The following CHD9 variants were observed in gnomAD, a reference collection of about 807,000 sequenced individuals.
The protein encoded by CHD9 is chromodomain helicase DNA binding protein 9, also known as ATP-dependent chromatin remodeler CHD9.
Under a neutral mutation model 316.1 loss-of-function variants are expected in CHD9, and 77 were observed. The observed-to-expected ratio is 0.24, with a 90% CI of 0.20 to 0.29. The LOEUF is 0.29. CHD9 is among the 10% of genes least tolerant of loss of function. The pLI is 1.00. For missense variants in CHD9, 2,763 were observed against 3,438.1 expected, an observed-to-expected ratio of 0.80 and a Z score of 4.91; for synonymous variants, 1,129 against 1,158.3, an observed-to-expected ratio of 0.97 and a Z score of 0.51.
chr16:53,202,062 A>G (rs1013710217), intron 2 of CHD9, among the ~76,000 whole-genome samples: 2 of 151,834 alleles, frequency 1.3e-5, no homozygotes, highest in Admixed American at 6.6e-5. Flanking sequence ...GTGTCTTGCT[A>G]TGTTGCCCAG....
chr16:53,204,023 CAAAAAAA>C (rs530552464), intron 2 of CHD9, among the ~76,000 whole-genome samples: 33 of 48,346 alleles, frequency 6.8e-4, no homozygotes, highest in Middle Eastern at 0.021. Context: ...GACTCCATCT[CAAAAAAA>C]AAAAAAAAAA....
intron 2 of CHD9, among the ~76,000 whole-genome samples, chr16:53,158,915 A>G (rs1597210216): frequency 6.6e-6 from 1 of 152,154 alleles, no homozygotes; most frequent in South Asian, 2.1e-4. Flanking sequence ...GGGATTATAG[A>G]CGTGAGACAC....
intron 11 of CHD9, 89 bp downstream of exon 11, chr16:53,235,395 GTTA>G (rs1413190622): frequency 3.1e-6 from 3 of 980,212 alleles, no homozygotes; most frequent in African/African-American, 1.7e-5. Flanking sequence ...TTGCTATATT[GTTA>G]TTGTTTTGAA....
rs752125964 is a variant in CHD9, at chr16:53,229,100, C to T, written c.2286C>T (p.Asp762=). The T allele has an allele frequency of 5.0e-5, 75 of 1,513,190 alleles. 3 individuals are homozygous for T. The highest frequency in any genetic ancestry group is 2.3e-4 in the Admixed American group (12 of 53,312). 93.7% of individuals were successfully genotyped at this position (1,513,190 alleles called of 1,614,324 possible). A position where few individuals can be genotyped will look rare whatever the true frequency, so the allele number is the denominator to read the frequency against. The change falls in exon 8 of 39, where the codon GAC becomes GAT. Residue 762 remains aspartate (D), a splice_region_variant and synonymous_variant. Coordinates refer to ENST00000447540, the MANE Select transcript of CHD9 (RefSeq NM_001308319.2). ...CACAAAGAGCACATTTTTTTGCAGA[C>T]GTAAGAAAAAAATAAATAAGACTAT... ...RQAQRAHFFA[D]MEEEPFNPDY...
intron 1 of CHD9, among the ~76,000 whole-genome samples, chr16:53,118,060 C>T (rs1178836962): frequency 6.6e-6 from 1 of 152,092 alleles, no homozygotes; most frequent in African/African-American, 2.4e-5. Context: ...ATCTCCTGAC[C>T]TCATGATCCA....
At position 53,306,322 on chromosome 16, in the gene CHD9, G is replaced by A. The variant is rs146991812; in HGVS notation, c.6705G>A (p.Gln2235=). 4.3e-6 allele frequency: 7 copies of A among 1,611,824 alleles called. No homozygotes were observed. In the East Asian group the frequency reaches 1.1e-4, roughly 26 times the overall value. ...TTQDETQDSF[Q]MNNGTPESAY... is the part of the protein sequence containing the mutation. Reference sequence around the variant, plus strand: ...AGGATGAGACTCAGGATAGTTTTCAGATGAACAATGGGACACCAGAGTCTG... The same window carrying A: ...AGGATGAGACTCAGGATAGTTTTCAAATGAACAATGGGACACCAGAGTCTG... The change falls in exon 32 of 39, where the codon CAG becomes CAA. Residue 2235 remains glutamine, a synonymous_variant. Coordinates refer to ENST00000447540, the MANE Select transcript of CHD9 (RefSeq NM_001308319.2).
At chr16:53,227,960 C>G (rs2152919960) in intron 7 of CHD9, among the ~76,000 whole-genome samples, 1 of 152,112 alleles carries the variant, frequency 6.6e-6, no homozygotes, top group Non-Finnish European at 1.5e-5. Flanking sequence ...GTGGCACGCA[C>G]CTGTAGTCCC....
intron 27 of CHD9, among the ~76,000 whole-genome samples, chr16:53,290,675 G>A (rs1393607255): frequency 1.3e-5 from 2 of 152,096 alleles, no homozygotes; most frequent in African/African-American, 4.8e-5. Flanking sequence ...CTACTCAGGA[G>A]GCTGAAGCAG....
intron 19 of CHD9, among the ~76,000 whole-genome samples, chr16:53,257,731 T>C (rs1228696734): frequency 1.3e-5 from 2 of 152,136 alleles, no homozygotes; most frequent in East Asian, 3.8e-4. Context: ...AGATACAGAT[T>C]TGGAAATTAG....
chr16:53,242,816 A>G, intron 12 of CHD9, 24 bp from the exon 13 acceptor site: 1 of 1,584,600 alleles, frequency 6.3e-7, no homozygotes, highest in Non-Finnish European at 8.6e-7. Context: ...ATTCCAGCAA[A>G]TAATTATATT....
chr16:53,136,950 CATT>C (rs1301431692), intron 1 of CHD9, among the ~76,000 whole-genome samples: 1 of 151,858 alleles, frequency 6.6e-6, no homozygotes, highest in East Asian at 1.9e-4. Context: ...CCTCGAGTAA[CATT>C]ATTTTTGTGA....
chr16:53,143,576 A>G (rs2040320109), intron 1 of CHD9, among the ~76,000 whole-genome samples: 1 of 151,878 alleles, frequency 6.6e-6, no homozygotes, highest in Admixed American at 6.6e-5. Flanking sequence ...TTTAGTAGAG[A>G]CAGGGTTGCA....
At chr16:53,142,273 T>C (rs377066373) in intron 1 of CHD9, among the ~76,000 whole-genome samples, 1 of 152,210 alleles carries the variant, frequency 6.6e-6, no homozygotes, top group East Asian at 1.9e-4. Flanking sequence ...AATATATATA[T>C]TTTTTCTTCT....
chr16:53,194,294 G>A (rs907866728), intron 2 of CHD9, among the ~76,000 whole-genome samples: 7 of 151,994 alleles, frequency 4.6e-5, no homozygotes, highest in Middle Eastern at 3.4e-3. Context: ...AGTAAACCCC[G>A]AGGCTGGGTG....
intron 34 of CHD9, among the ~76,000 whole-genome samples, chr16:53,309,059 T>C (rs1211596299): frequency 6.6e-6 from 1 of 152,202 alleles, no homozygotes; most frequent in Non-Finnish European, 1.5e-5. Flanking sequence ...GCAGTTTTCA[T>C]TTTGGGGCCT....
At chr16:53,088,472 G>A (rs1204479448) in intron 1 of CHD9, among the ~76,000 whole-genome samples, 1 of 151,608 alleles carries the variant, frequency 6.6e-6, no homozygotes, top group African/African-American at 2.4e-5. Flanking sequence ...TAGAGACGGG[G>A]TTTCACTGTG....
At position 53,306,393 on chromosome 16, in the gene CHD9, C is replaced by T; in HGVS notation, c.6776C>T (p.Pro2259Leu). 1 of 1,569,334 alleles carries T rather than the reference C, an allele frequency of 6.4e-7. No homozygotes were observed. The highest frequency in any genetic ancestry group is 8.6e-7 in the Non-Finnish European group (1 of 1,163,438). ...TATATGCTGGCAGCCTCGTATTGGC[C>T]AAAGGTAAAGAAATAATTTCTTATT... ...GGYMLAASYW[P>L]KDRVMINRLD... Residue 2259 changes from proline (P) to leucine (L), a missense_variant, in exon 32 of 39, where the codon CCA becomes CTA. Around this residue, in one of 15 missense-constraint regions of CHD9, gnomAD observed 663 missense variants for 751.2 expected, o/e 0.88. Coordinates refer to ENST00000447540, the MANE Select transcript of CHD9 (RefSeq NM_001308319.2).
At chr16:53,083,966 G>T (rs945117291) in intron 1 of CHD9, among the ~76,000 whole-genome samples, 25 of 151,736 alleles carry the variant, frequency 1.6e-4, no homozygotes, top group African/African-American at 5.8e-4. Flanking sequence ...CCAGCCTGGG[G>T]TCTCAAACTC....
intron 25 of CHD9, 87 bp from the exon 26 acceptor site, chr16:53,286,136 TATC>T (rs2053853372): frequency 7.9e-6 from 5 of 634,052 alleles, no homozygotes; most frequent in South Asian, 4.5e-5. Flanking sequence ...AGTCCAGAAA[TATC>T]ATCCACTGTA....
Sources: allele counts gnomAD v4.1 joint callset (sites outside exome capture counted in the v4.1 genomes callset), GRCh38; gene constraint gnomAD v4.1.1; regional missense constraint gnomAD v4.1.1; transcripts MANE v1.5; gene names NCBI Gene and HGNC (gene_info 2026-07-23, HGNC 2026-07-21).